The following AFF2 variants were observed in gnomAD, a reference collection of about 807,000 sequenced individuals.
The protein encoded by AFF2 is AF4/FMR2 family member 2.
In AFF2, 14 loss-of-function variants were observed where a neutral mutation model predicts 76.9. That is an observed-to-expected ratio of 0.18 (90% CI 0.12 to 0.28). The LOEUF (loss-of-function observed/expected upper bound fraction) is 0.28. Among genes scored for constraint, AFF2 ranks in the 10% least tolerant of loss-of-function variants. AFF2 has a pLI of 1.00. For missense variants in AFF2, 868 were observed against 1,001.1 expected (o/e 0.87, Z 1.79); for synonymous variants, 398 against 366.7 (o/e 1.09, Z -0.98).
chrX:148,630,489 T>A (rs73249430), intron 1 of AFF2, among the ~76,000 whole-genome samples: 2,456 of 111,936 alleles, frequency 0.022, 35 homozygotes, highest in Middle Eastern at 0.088. Flanking sequence ...GAAGGTCACC[T>A]GGGTGCAGGT....
At chrX:148,606,927 T>C (rs782223535) in intron 1 of AFF2, among the ~76,000 whole-genome samples, 9 of 111,395 alleles carry the variant, frequency 8.1e-5, no homozygotes, top group South Asian at 3.8e-4. Context: ...GCTCTCTTTT[T>C]TTAAAGCATT....
At chrX:148,842,163 T>C (rs1324098930) in intron 5 of AFF2, among the ~76,000 whole-genome samples, 1 of 112,036 alleles carries the variant, frequency 8.9e-6, no homozygotes, top group Non-Finnish European at 1.9e-5. Context: ...TGTATTGCGG[T>C]TTGTACCATT....
intron 1 of AFF2, among the ~76,000 whole-genome samples, chrX:148,551,661 C>A (rs1389773160): frequency 9.0e-6 from 1 of 110,824 alleles, no homozygotes; most frequent in East Asian, 2.8e-4. Context: ...TTTTGGAGAG[C>A]ACCTGTGCAG....
intron 1 of AFF2, among the ~76,000 whole-genome samples, chrX:148,553,371 A>G (rs934239134): frequency 9.8e-5 from 11 of 112,341 alleles, no homozygotes; most frequent in African/African-American, 3.6e-4. Flanking sequence ...TATTTGAGTC[A>G]TCATCATTTC....
intron 3 of AFF2, among the ~76,000 whole-genome samples, chrX:148,702,369 G>A: frequency 8.9e-6 from 1 of 111,815 alleles, no homozygotes. Flanking sequence ...GGAACAATGT[G>A]GTGCAAATGG....
At chrX:148,805,658 G>C (rs947747927) in intron 3 of AFF2, among the ~76,000 whole-genome samples, 1 of 112,425 alleles carries the variant, frequency 8.9e-6, no homozygotes, top group Non-Finnish European at 1.9e-5. Context: ...TTGAATATTT[G>C]ATGATTTAAA....
chrX:148,566,984 G>A (rs930755889), intron 1 of AFF2, among the ~76,000 whole-genome samples: 9 of 111,738 alleles, frequency 8.1e-5, no homozygotes, highest in Middle Eastern at 4.6e-3. Context: ...TGTAATGCCT[G>A]TCTGCCATGC....
At chrX:148,684,449 C>T (rs2054580885) in intron 3 of AFF2, among the ~76,000 whole-genome samples, 1 of 112,070 alleles carries the variant, frequency 8.9e-6, no homozygotes, top group Admixed American at 9.5e-5. Flanking sequence ...GTAGATTTTA[C>T]TGAAAATGTG....
chrX:148,896,521 C>G (rs1404171767), intron 8 of AFF2, among the ~76,000 whole-genome samples: 1 of 111,972 alleles, frequency 8.9e-6, no homozygotes, highest in Non-Finnish European at 1.9e-5. Context: ...TCCAACCCAG[C>G]AAGATTCTCC....
intron 4 of AFF2, among the ~76,000 whole-genome samples, chrX:148,824,546 A>G (rs2070365124): frequency 1.8e-5 from 2 of 111,915 alleles, no homozygotes; most frequent in Non-Finnish European, 3.8e-5. Context: ...TTAATAATTT[A>G]TTTTGTCAGT....
chrX:148,665,135 T>C (rs1557258318), intron 3 of AFF2, among the ~76,000 whole-genome samples: 1 of 112,056 alleles, frequency 8.9e-6, no homozygotes, highest in African/African-American at 3.2e-5. Context: ...ACCTCATTAG[T>C]AGAGTGACAA....
chrX:148,670,702 C>T (rs2054413066), intron 3 of AFF2, among the ~76,000 whole-genome samples: 1 of 111,875 alleles, frequency 8.9e-6, no homozygotes, highest in Non-Finnish European at 1.9e-5. Flanking sequence ...GCAGTAATTT[C>T]TGAGCTTTCC....
intron 3 of AFF2, among the ~76,000 whole-genome samples, chrX:148,753,992 C>A (rs1449363183): frequency 9.0e-6 from 1 of 111,203 alleles, no homozygotes; most frequent in Non-Finnish European, 1.9e-5. Flanking sequence ...TAGGCAAATT[C>A]TTTTGCACTT....
At chrX:148,971,775 T>G (rs1280371960) in intron 15 of AFF2, among the ~76,000 whole-genome samples, 1 of 78,567 alleles carries the variant, frequency 1.3e-5, no homozygotes, top group African/African-American at 5.2e-5. Flanking sequence ...TTTTTAATGT[T>G]TTTTTTTTTT....
At chrX:148,507,319 G>A (rs191221137) in intron 1 of AFF2, among the ~76,000 whole-genome samples, 2 of 112,257 alleles carry the variant, frequency 1.8e-5, no homozygotes, top group African/African-American at 6.5e-5. Flanking sequence ...CCATGTAATT[G>A]GCATGTTTTT....
At chrX:148,703,024 A>G (rs894059669) in intron 3 of AFF2, among the ~76,000 whole-genome samples, 2 of 112,085 alleles carry the variant, frequency 1.8e-5, no homozygotes, top group African/African-American at 6.5e-5. Flanking sequence ...AGAGTATTTG[A>G]TTCAGTTGTT....
chrX:148,873,216 A>G (rs1172239967), intron 7 of AFF2, among the ~76,000 whole-genome samples: 2 of 110,653 alleles, frequency 1.8e-5, no homozygotes, highest in Non-Finnish European at 3.8e-5. Flanking sequence ...TGCCCACAGG[A>G]TCTTGCCTTA....
In AFF2 at chrX:148,589,795, G is replaced by GA. The variant is rs1171882788; in HGVS notation, c.48-62198dup. Among the ~76,000 whole-genome samples, 3 of 109,993 alleles carry GA rather than the reference G, an allele frequency of 2.7e-5. No homozygotes were observed. In the Admixed American group the frequency reaches 3.0e-4, roughly 11 times the overall value. On this transcript the variant is annotated intron_variant, in intron 1 of 20. Coordinates refer to ENST00000370460, the MANE Select transcript of AFF2 (RefSeq NM_002025.4). ...AAATACATTGCAGAAAGTAAACTGT[G>GA]AAAAAATACCAGTATAAATAGTGCA...
chrX:148,884,518 GGATTACAGA>G (rs1213184214), intron 7 of AFF2, among the ~76,000 whole-genome samples: 1 of 112,775 alleles, frequency 8.9e-6, no homozygotes. Flanking sequence ...CACCCAAGTG[GGATTACAGA>G]GATGGAAATT....
Sources: gnomAD v4.1 joint callset for allele counts (sites outside exome capture counted in the v4.1 genomes callset) on GRCh38, gnomAD v4.1.1 for gene constraint, MANE v1.5 for transcripts, NCBI Gene and HGNC (gene_info 2026-07-23, HGNC 2026-07-21) for gene names.